Variants in HDAC9 observed in about 807,000 individuals in gnomAD.
The protein encoded by HDAC9 is MEF-2 interacting transcription repressor (MITR) protein.
HDAC9 carries 41 observed loss-of-function variants against 139.4 expected under a neutral mutation model. That is an observed-to-expected ratio of 0.29 (90% CI 0.23 to 0.38). The LOEUF (loss-of-function observed/expected upper bound fraction) is 0.38. Among genes scored for constraint, HDAC9 ranks in the 10% least tolerant of loss-of-function variants. The pLI is 1.00. For synonymous variants in HDAC9, 517 were observed against 476.2 expected, an observed-to-expected ratio of 1.09 and a Z score of -1.12; for missense variants, 1,147 against 1,297.0, an observed-to-expected ratio of 0.88 and a Z score of 1.78.
At chr7:18,277,085 AAAAAC>A (rs1554353445) in intron 2 of HDAC9, among the ~76,000 whole-genome samples, 4 of 152,138 alleles carry the variant, frequency 2.6e-5, no homozygotes, top group African/African-American at 4.8e-5. Context: ...ACATTGTTAA[AAAAAC>A]AAAACAAAAC....
chr7:18,189,375 A>T (rs1339234380), intron 2 of HDAC9, among the ~76,000 whole-genome samples: 1 of 152,030 alleles, frequency 6.6e-6, no homozygotes, highest in Non-Finnish European at 1.5e-5. Flanking sequence ...AATTTAGAGG[A>T]CAGGTCAATA....
At chr7:18,754,927 T>C (rs1212526975) in intron 14 of HDAC9, among the ~76,000 whole-genome samples, 2 of 152,162 alleles carry the variant, frequency 1.3e-5, no homozygotes, top group Non-Finnish European at 2.9e-5. Context: ...ATATCAAGAC[T>C]GCAAAGCGCT....
intron 22 of HDAC9, among the ~76,000 whole-genome samples, chr7:18,934,128 A>G (rs1230922602): frequency 1.3e-5 from 2 of 152,124 alleles, no homozygotes; most frequent in African/African-American, 2.4e-5. Context: ...AAAAGAAGGA[A>G]ACGCCTGTAA....
At chr7:18,202,035 G>A (rs1353987556) in intron 2 of HDAC9, among the ~76,000 whole-genome samples, 1 of 152,204 alleles carries the variant, frequency 6.6e-6, no homozygotes, top group Non-Finnish European at 1.5e-5. Flanking sequence ...AGAAAGTTGG[G>A]AAAGACTTTT....
intron 21 of HDAC9, among the ~76,000 whole-genome samples, chr7:18,853,654 TTTAA>T (rs1797463521): frequency 1.3e-5 from 2 of 152,176 alleles, no homozygotes; most frequent in African/African-American, 2.4e-5. Context: ...GAGTTCAGCT[TTTAA>T]TTGTTTGTCA....
chr7:18,562,638 T>A (rs1267758814), intron 2 of HDAC9, among the ~76,000 whole-genome samples: 1 of 152,144 alleles, frequency 6.6e-6, no homozygotes, highest in Non-Finnish European at 1.5e-5. Flanking sequence ...CAGTACTTCT[T>A]TGTTGTATTA....
Position 18,887,915 on chromosome 7 carries a change from C to T in HDAC9, c.2803+13319C>T, listed in dbSNP as rs183275402. Among the ~76,000 whole-genome samples the T allele has an allele frequency of 1.8e-4, 27 of 152,208 alleles. No homozygotes were observed. The East Asian group carries it at 5.2e-3, about 29-fold the overall frequency. Reference sequence around the variant, plus strand: ...GCCACAGAGAAGTCATCAGGAGTTGCAGTGGTTCTCATGCCAACAGCTCTT... The same window carrying T: ...GCCACAGAGAAGTCATCAGGAGTTGTAGTGGTTCTCATGCCAACAGCTCTT... On this transcript the variant is annotated intron_variant, in intron 22 of 25. Transcript: ENST00000686413.
At chr7:18,580,591 C>T (rs924813368) in intron 2 of HDAC9, among the ~76,000 whole-genome samples, 1 of 152,142 alleles carries the variant, frequency 6.6e-6, no homozygotes, top group African/African-American at 2.4e-5. Flanking sequence ...GTTTAAAAAA[C>T]ATGTTTTATT....
At chr7:18,732,878 C>CACACACGT (rs1562893213) in intron 13 of HDAC9, among the ~76,000 whole-genome samples, 1 of 68,350 alleles carries the variant, frequency 1.5e-5, no homozygotes, top group South Asian at 5.4e-4. Flanking sequence ...TACACACACA[C>CACACACGT]GTGTGCGTAT....
intron 2 of HDAC9, among the ~76,000 whole-genome samples, chr7:18,210,223 GAC>G (rs1791841139): frequency 6.6e-6 from 1 of 152,130 alleles, no homozygotes; most frequent in Non-Finnish European, 1.5e-5. Context: ...CCTTAAATAA[GAC>G]AAGACATAGA....
At chr7:18,912,357 T>G (rs1411672438) in intron 22 of HDAC9, among the ~76,000 whole-genome samples, 1 of 152,126 alleles carries the variant, frequency 6.6e-6, no homozygotes, top group African/African-American at 2.4e-5. Flanking sequence ...TGAGATAATA[T>G]TTTAAAACTG....
chr7:18,345,572 CAAAAA>C (rs35183114), intron 1 of HDAC9, among the ~76,000 whole-genome samples: 1 of 123,412 alleles, frequency 8.1e-6, no homozygotes, highest in African/African-American at 2.8e-5. Flanking sequence ...CAACAGAAGA[CAAAAA>C]AAAAAAAAAA....
chr7:18,202,815 C>T (rs776228475), intron 2 of HDAC9, among the ~76,000 whole-genome samples: 1 of 152,148 alleles, frequency 6.6e-6, no homozygotes, highest in African/African-American at 2.4e-5. Context: ...GAAGTTGTCA[C>T]AGTACACCTG....
intron 22 of HDAC9, chr7:18,899,543 G>T (rs895559179): frequency 2.6e-4 from 39 of 151,902 alleles, no homozygotes; most frequent in African/African-American, 9.2e-4. Flanking sequence ...TATAGATTCA[G>T]AATCTACAGA....
chr7:18,616,766 G>T (rs1387547901), intron 6 of HDAC9, among the ~76,000 whole-genome samples: 1 of 152,130 alleles, frequency 6.6e-6, no homozygotes, highest in Admixed American at 6.5e-5. Context: ...ACTGGGGAGA[G>T]GACAGTCTCC....
chr7:18,261,985 T>G (rs1005266442), intron 2 of HDAC9, among the ~76,000 whole-genome samples: 2 of 152,252 alleles, frequency 1.3e-5, no homozygotes, highest in African/African-American at 4.8e-5. Context: ...TTTACATTTT[T>G]GCCCTAGCAA....
At chr7:18,408,877 G>A (rs1253264712) in intron 1 of HDAC9, among the ~76,000 whole-genome samples, 1 of 152,134 alleles carries the variant, frequency 6.6e-6, no homozygotes, top group Non-Finnish European at 1.5e-5. Context: ...CAGATCTACA[G>A]CACAACATTA....
chr7:18,203,526 C>T (rs1791285602), intron 2 of HDAC9, among the ~76,000 whole-genome samples: 1 of 152,090 alleles, frequency 6.6e-6, no homozygotes, highest in African/African-American at 2.4e-5. Flanking sequence ...TAGAAAATTT[C>T]ATCATATAAT....
At chr7:18,447,494 A>G (rs1472046725) in intron 1 of HDAC9, among the ~76,000 whole-genome samples, 3 of 152,188 alleles carry the variant, frequency 2.0e-5, no homozygotes, top group Non-Finnish European at 4.4e-5. Context: ...TAGCCCATGT[A>G]GAGGAAAAAC....
Sources: allele counts gnomAD v4.1 joint callset (sites outside exome capture counted in the v4.1 genomes callset), GRCh38; gene constraint gnomAD v4.1.1; transcripts MANE v1.5; gene names NCBI Gene and HGNC (gene_info 2026-07-23, HGNC 2026-07-21).